PRKDC: variants seen among roughly 807,000 people sequenced by gnomAD.
PRKDC encodes the protein DNA-dependent protein kinase catalytic subunit.
Under a neutral mutation model 486.9 loss-of-function variants are expected in PRKDC, and 82 were observed. The ratio of observed to expected loss-of-function variants is 0.17; its 90% confidence interval spans 0.14 to 0.20. PRKDC has a LOEUF of 0.20. Ranked by LOEUF, PRKDC falls within the 10% of genes least tolerant of loss-of-function variation. PRKDC has a pLI of 1.00. For missense variants in PRKDC, 4,504 were observed against 5,038.2 expected, an observed-to-expected ratio of 0.89 and a Z score of 3.21; for synonymous variants, 1,895 against 1,837.0, an observed-to-expected ratio of 1.03 and a Z score of -0.81.
At chr8:47,931,190 T>C (rs1367706267) in intron 16 of PRKDC, among the ~76,000 whole-genome samples, 2 of 152,226 alleles carry the variant, frequency 1.3e-5, no homozygotes, top group African/African-American at 2.4e-5. Context: ...TGGAAGTGCA[T>C]GAAGATCAGT....
At chr8:47,934,443 G>C (rs932928196) in intron 14 of PRKDC, among the ~76,000 whole-genome samples, 4 of 152,186 alleles carry the variant, frequency 2.6e-5, no homozygotes, top group African/African-American at 9.7e-5. Context: ...GCTAAGACAG[G>C]AGAATCGCTT....
Position 47,933,037 on chromosome 8 carries a change from T to C in PRKDC, c.1759A>G (p.Thr587Ala), listed in dbSNP as rs762543016. The C allele has an allele frequency of 1.9e-6, 3 of 1,595,978 alleles. No homozygotes were observed. Among genetic ancestry groups the C allele is most frequent in the East Asian group, 2.3e-5 (1 of 44,216 alleles). Residue 587 changes from threonine to alanine, a missense_variant, in exon 16 of 86, where the codon ACT (threonine) becomes GCT (alanine). Transcript: ENST00000314191. ...EKLDLTLEIQ[T>A]VGEQENGDEA... The stretch of plus-strand genomic sequence containing the variant: ...TTTCTAACCTCTTGTTCCCCAACAG[T>C]CTGTATTTCAAGTGTAAGATCCAAT...
chr8:47,842,099 G>T (rs1166137203), intron 54 of PRKDC, among the ~76,000 whole-genome samples: 2 of 152,124 alleles, frequency 1.3e-5, no homozygotes, highest in Non-Finnish European at 2.9e-5. Flanking sequence ...GAATGCTGCA[G>T]GTCTCCTGGT....
At position 47,887,531 on chromosome 8, in the gene PRKDC, G is replaced by T; in HGVS notation, c.4572+16C>A. On this transcript the variant is annotated intron_variant, in intron 35 of 85. Transcript: ENST00000314191. The stretch of plus-strand genomic sequence containing the variant: ...TATTATTAGGGGAGTGCAGCATGCA[G>T]AGGCGTTTTTCCTACCAGTCCTCCA... 1 of 1,561,110 alleles carries T rather than the reference G, an allele frequency of 6.4e-7. No individual in the cohort carries two copies. Among genetic ancestry groups the T allele is most frequent in the Non-Finnish European group, 8.7e-7 (1 of 1,153,548 alleles).
intron 37 of PRKDC, 141 bp downstream of exon 37, chr8:47,881,771 A>G: frequency 1.3e-6 from 1 of 766,338 alleles, no homozygotes; most frequent in Non-Finnish European, 2.0e-6. Context: ...TAAAAAGGTA[A>G]ATATAAGCAA....
At chr8:47,807,025 A>G in intron 69 of PRKDC, 112 bp downstream of exon 69, 1 of 1,109,580 alleles carries the variant, frequency 9.0e-7, no homozygotes, top group Non-Finnish European at 1.2e-6. Context: ...GAAAAAAAAT[A>G]ACACCTACCA....
chr8:47,956,633 A>G (rs750767708), intron 3 of PRKDC, among the ~76,000 whole-genome samples: 1 of 151,938 alleles, frequency 6.6e-6, no homozygotes, highest in Non-Finnish European at 1.5e-5. Flanking sequence ...AGCCCACGAG[A>G]TGGAGGCTGC....
At chr8:47,896,376 A>ACG (rs1326524864) in intron 30 of PRKDC, among the ~76,000 whole-genome samples, 1 of 152,040 alleles carries the variant, frequency 6.6e-6, no homozygotes, top group Non-Finnish European at 1.5e-5. Context: ...GGCCAGGTGC[A>ACG]GTGGCTGACG....
chr8:47,780,455 T>C lies in PRKDC; in HGVS notation c.11490-1362A>G, dbSNP rs2086680457. On this transcript the variant is annotated intron_variant, in intron 80 of 85. Coordinates refer to ENST00000314191, the MANE Select transcript of PRKDC (RefSeq NM_006904.7). Reference sequence around the variant, plus strand: ...ATGTGATACACGTATGTTTAAGTACTTTTGTGTGGAAAGCTTTAACAAGTT... The same window carrying C: ...ATGTGATACACGTATGTTTAAGTACCTTTGTGTGGAAAGCTTTAACAAGTT... Among the ~76,000 whole-genome samples, 3 of 152,330 alleles carry C rather than the reference T, an allele frequency of 2.0e-5. No homozygotes were observed. The South Asian group carries it at 6.2e-4, about 32-fold the overall frequency.
intron 77 of PRKDC, 39 bp from the exon 78 acceptor site, chr8:47,783,848 A>G (rs2086742529): frequency 6.3e-7 from 1 of 1,587,924 alleles, no homozygotes; most frequent in Admixed American, 1.7e-5. Context: ...ACAGCTTGTT[A>G]GACAACCGCC....
Position 47,860,935 on chromosome 8 carries a change from T to C in PRKDC, c.6022A>G (p.Arg2008Gly). ...MERKKKYIEIRKEAREAANGD... is the reference protein window; with the variant it reads ...MERKKKYIEIGKEAREAANGD... ...TTTGCTGCTTCTCTGGCTTCTTTCC[T>C]AATTTCAATGTACTTTTTCTTTCTT... is the stretch of plus-strand genomic sequence containing the variant. The change falls in exon 45 of 86, where the codon AGG (arginine) becomes GGG (glycine). Residue 2008 changes from arginine (R) to glycine (G), a missense_variant. Arg to Gly is a moderately radical substitution (Grantham distance 125). Coordinates refer to ENST00000314191, the MANE Select transcript of PRKDC (RefSeq NM_006904.7). 6.2e-7 allele frequency: 1 copy of C among 1,608,818 alleles called. No individual in the cohort carries two copies. Among genetic ancestry groups the C allele is most frequent in the South Asian group, 1.1e-5 (1 of 89,420 alleles).
At chr8:47,850,813 C>A (rs559259489) in intron 52 of PRKDC, among the ~76,000 whole-genome samples, 61 of 152,236 alleles carry the variant, frequency 4.0e-4, no homozygotes, top group African/African-American at 1.4e-3. Context: ...TTACTGACTT[C>A]TTTTTATTTT....
chr8:47,934,641 G>C (rs1278297097), intron 14 of PRKDC, among the ~76,000 whole-genome samples: 1 of 152,204 alleles, frequency 6.6e-6, no homozygotes, highest in Non-Finnish European at 1.5e-5. Flanking sequence ...CACTGAATGT[G>C]CTATCATCAT....
chr8:47,866,143 A>G (rs1340834226), intron 40 of PRKDC, among the ~76,000 whole-genome samples: 1 of 141,814 alleles, frequency 7.1e-6, no homozygotes, highest in Non-Finnish European at 1.5e-5. Context: ...GCAACAATAG[A>G]GAAACTCCGT....
At position 47,960,127 on chromosome 8, in the gene PRKDC, G is replaced by T. The variant is rs1353892791; in HGVS notation, c.-1C>A. 1.3e-6 allele frequency: 2 copies of T among 1,497,070 alleles called. No individual in the cohort carries two copies. Among genetic ancestry groups the T allele is most frequent in the Admixed American group, 2.1e-5 (1 of 48,474 alleles). The allele number at this position is 1,497,070 out of a possible 1,614,324, so 92.7% of individuals were successfully genotyped here. On this transcript the variant is annotated 5_prime_UTR_variant, in exon 1 of 86. Transcript: ENST00000314191. Reference sequence around the variant, plus strand: ...GCACACCGGCTCCGGAGCCCGCCATGCCGCCGAGTCCCGCTCCCGCGCGTG... The same window carrying T: ...GCACACCGGCTCCGGAGCCCGCCATTCCGCCGAGTCCCGCTCCCGCGCGTG...
chr8:47,923,247 T>C (rs1271541571), intron 21 of PRKDC, among the ~76,000 whole-genome samples: 2 of 152,004 alleles, frequency 1.3e-5, no homozygotes, highest in African/African-American at 4.8e-5. Flanking sequence ...TTCTTTTTAG[T>C]AGAGACACGG....
intron 10 of PRKDC, among the ~76,000 whole-genome samples, chr8:47,942,573 T>C (rs2090462768): frequency 6.6e-6 from 1 of 152,214 alleles, no homozygotes; most frequent in Admixed American, 6.5e-5. Context: ...TTTACCCATG[T>C]ACAGCAGGGC....
rs1235136794 is a variant in PRKDC at position 47,954,345 on chromosome 8, T to C, written c.501A>G (p.Pro167=). The C allele has an allele frequency of 1.6e-6, 2 of 1,262,868 alleles. No homozygotes were observed. Among genetic ancestry groups the C allele is most frequent in the African/African-American group, 1.5e-5 (1 of 65,556 alleles). 78.2% of individuals were successfully genotyped at this position (1,262,868 alleles called of 1,614,324 possible). The change falls in exon 5 of 86, where the codon CCA becomes CCG. Residue 167 remains proline, a synonymous_variant. Transcript: ENST00000314191. The part of the protein sequence containing the change: ...YGELALKKKI[P]DTVLEKVYEL... ...CATGTAAATGCATCTCACCTGTATC[T>C]GGTATTTTTTTTTTCAATGCAAGTT...
chr8:47,835,416 T>G (rs72647906), intron 58 of PRKDC, among the ~76,000 whole-genome samples: 34,153 of 151,626 alleles, frequency 0.23, 7,483 homozygotes, highest in African/African-American at 0.56. Flanking sequence ...TCAGGATATC[T>G]AGACCATCTG....
Sources: gnomAD v4.1 joint callset for allele counts (sites outside exome capture counted in the v4.1 genomes callset) on GRCh38, gnomAD v4.1.1 for gene constraint, MANE v1.5 for transcripts, NCBI Gene and HGNC (gene_info 2026-07-23, HGNC 2026-07-21) for gene names.